Variants in STAG1 observed in about 807,000 individuals in gnomAD.
STAG1 encodes the protein cohesin subunit SA-1.
Under a neutral mutation model 170.9 loss-of-function variants are expected in STAG1, and 26 were observed. The ratio of observed to expected loss-of-function variants is 0.15; its 90% CI spans 0.11 to 0.21. The LOEUF (loss-of-function observed/expected upper bound fraction) is 0.21. Among genes scored for constraint, STAG1 ranks in the 10% least tolerant of loss-of-function variants. STAG1 has a pLI of 1.00. For missense variants in STAG1, 964 were observed against 1,509.5 expected (o/e 0.64, Z 5.99); for synonymous variants, 514 against 497.7 (o/e 1.03, Z -0.44).
intron 16 of STAG1, among the ~76,000 whole-genome samples, chr3:136,426,323 T>A (rs575456686): frequency 6.3e-4 from 96 of 152,212 alleles, no homozygotes; most frequent in African/African-American, 2.3e-3. Flanking sequence ...GGCAAGAGAA[T>A]GGCGTGAACC....
intron 4 of STAG1, among the ~76,000 whole-genome samples, chr3:136,575,469 C>T (rs1937423451): frequency 6.6e-6 from 1 of 152,148 alleles, no homozygotes; most frequent in Admixed American, 6.5e-5. Context: ...AAGAAATCCT[C>T]CCACCTTGGC....
At chr3:136,512,199 A>G (rs924732069) in intron 7 of STAG1, among the ~76,000 whole-genome samples, 1 of 151,502 alleles carries the variant, frequency 6.6e-6, no homozygotes, top group Non-Finnish European at 1.5e-5. Context: ...TCCCAGCTTC[A>G]GGAGGCTAAG....
chr3:136,443,852 A>C (rs2088700948), intron 14 of STAG1, among the ~76,000 whole-genome samples: 1 of 152,220 alleles, frequency 6.6e-6, no homozygotes, highest in Non-Finnish European at 1.5e-5. Context: ...CATCTTAGTC[A>C]AAGTAAAAAA....
intron 6 of STAG1, among the ~76,000 whole-genome samples, chr3:136,524,542 C>A (rs1364750269): frequency 3.3e-5 from 5 of 152,188 alleles, no homozygotes; most frequent in Admixed American, 1.3e-4. Context: ...CATCTGCAAA[C>A]AGGGACAATT....
rs1005574195 is a variant in STAG1, at chr3:136,391,521, C to T, written c.2277+7228G>A. Among the ~76,000 whole-genome samples the T allele has an allele frequency of 3.3e-4, 50 of 152,090 alleles. 1 individual carries two copies. Among genetic ancestry groups the T allele is most frequent in the African/African-American group, 1.1e-3 (47 of 41,502 alleles). Reference sequence around the variant, plus strand: ...CCTCCCAAGTAGCTGGGACTACAGGCGCACGCCACCATGCCCAGCTAACTT... The same window carrying T: ...CCTCCCAAGTAGCTGGGACTACAGGTGCACGCCACCATGCCCAGCTAACTT... On this transcript the variant is annotated intron_variant, in intron 22 of 33. Coordinates refer to ENST00000383202, the MANE Select transcript of STAG1 (RefSeq NM_005862.3).
intron 12 of STAG1, 104 bp downstream of exon 12, chr3:136,472,309 G>T: frequency 1.7e-6 from 1 of 590,252 alleles, no homozygotes; most frequent in Non-Finnish European, 2.7e-6. Context: ...AACCTAAAAT[G>T]ATAAACATAT....
At chr3:136,416,949 G>A (rs939500113) in intron 21 of STAG1, among the ~76,000 whole-genome samples, 3 of 150,696 alleles carry the variant, frequency 2.0e-5, no homozygotes, top group African/African-American at 4.9e-5. Context: ...AGGTTCAAGC[G>A]ATTCTCCAGC....
At chr3:136,745,556 T>C (rs1008919949) in intron 1 of STAG1, among the ~76,000 whole-genome samples, 7 of 152,292 alleles carry the variant, frequency 4.6e-5, no homozygotes, top group Admixed American at 1.3e-4. Context: ...CAGTTCACAA[T>C]AGAATTTGCA....
chr3:136,506,515 G>A (rs530835950), intron 7 of STAG1, among the ~76,000 whole-genome samples: 4 of 148,454 alleles, frequency 2.7e-5, no homozygotes, highest in East Asian at 2.0e-4. Context: ...ATGTGGTGAC[G>A]CACGCCAGTA....
At chr3:136,674,778 TAACTC>T (rs879497118) in intron 1 of STAG1, among the ~76,000 whole-genome samples, 27 of 152,208 alleles carry the variant, frequency 1.8e-4, no homozygotes, top group Non-Finnish European at 2.9e-4. Context: ...ATGTCAATTC[TAACTC>T]AATAAAGCTG....
intron 1 of STAG1, among the ~76,000 whole-genome samples, chr3:136,723,800 G>A (rs1396172391): frequency 2.8e-5 from 4 of 143,146 alleles, no homozygotes; most frequent in East Asian, 2.2e-4. Context: ...TCAGCCCCCC[G>A]CCCGGCCAGC....
intron 15 of STAG1, 28 bp downstream of exon 15, chr3:136,443,259 T>C (rs756318424): frequency 1.9e-5 from 29 of 1,501,198 alleles, no homozygotes; most frequent in Non-Finnish European, 2.5e-5. Flanking sequence ...TACAAAATCA[T>C]GTAAATTAAC....
chr3:136,444,246 G>A (rs1469774251), intron 14 of STAG1, among the ~76,000 whole-genome samples: 1 of 152,052 alleles, frequency 6.6e-6, no homozygotes, highest in African/African-American at 2.4e-5. Flanking sequence ...GCTAACTTTC[G>A]TATTTTTGGT....
chr3:136,574,026 A>G (rs1488715221), intron 4 of STAG1, among the ~76,000 whole-genome samples: 1 of 152,038 alleles, frequency 6.6e-6, no homozygotes, highest in Non-Finnish European at 1.5e-5. Flanking sequence ...GCGGATCAAC[A>G]GGGCAGGAGA....
intron 22 of STAG1, among the ~76,000 whole-genome samples, chr3:136,393,614 G>A (rs1029020322): frequency 1.6e-5 from 2 of 127,912 alleles, no homozygotes; most frequent in Admixed American, 1.7e-4. Context: ...TTTTTTTTGA[G>A]ACAGAGTCTC....
rs572517227 is a variant in STAG1, at chr3:136,390,435, G to GT, written c.2277+8313dup. Reference sequence around the variant, plus strand: ...ATGAAATGGATATTAAACAAGACCTGTATCTTTCTTCTCTAACTTTTCTAG... The same window carrying GT: ...ATGAAATGGATATTAAACAAGACCTGTTATCTTTCTTCTCTAACTTTTCTAG... On this transcript the variant is annotated intron_variant, in intron 22 of 33. Coordinates refer to ENST00000383202, the MANE Select transcript of STAG1 (RefSeq NM_005862.3). Among the ~76,000 whole-genome samples the GT allele has an allele frequency of 7.9e-4, 120 of 152,254 alleles. 1 individual carries two copies. Among genetic ancestry groups the GT allele is most frequent in the South Asian group, 4.3e-3 (21 of 4,828 alleles).
chr3:136,715,112 G>C (rs1209039140), intron 1 of STAG1, among the ~76,000 whole-genome samples: 1 of 146,014 alleles, frequency 6.8e-6, no homozygotes, highest in Non-Finnish European at 1.5e-5. Context: ...AGAGAGTTCG[G>C]TGGTGCTGAC....
At chr3:136,568,628 T>C (rs1937162224) in intron 5 of STAG1, 137 bp downstream of exon 5, 1 of 695,776 alleles carries the variant, frequency 1.4e-6, no homozygotes, top group Admixed American at 2.7e-5. Flanking sequence ...TTACCAATAA[T>C]ATTCTCTATC....
intron 12 of STAG1, among the ~76,000 whole-genome samples, chr3:136,471,625 T>C (rs2089630561): frequency 6.6e-6 from 1 of 152,204 alleles, no homozygotes; most frequent in Admixed American, 6.5e-5. Flanking sequence ...ATGTATGACT[T>C]TGCTAGGATA....
Sources: gnomAD v4.1 joint callset for allele counts (sites outside exome capture counted in the v4.1 genomes callset) on GRCh38, gnomAD v4.1.1 for gene constraint, MANE v1.5 for transcripts, NCBI Gene and HGNC (gene_info 2026-07-23, HGNC 2026-07-21) for gene names.